Variants in ABCB11 observed in about 807,000 individuals in gnomAD.
ABCB11 encodes ATP binding cassette subfamily B member 11, also known as bile salt export pump.
In ABCB11, 95 loss-of-function variants were observed where a neutral mutation model predicts 148.0. That is an observed-to-expected ratio of 0.64 (90% confidence interval 0.54 to 0.76). The LOEUF is 0.76. Among genes scored for constraint, ABCB11 ranks in the 30% least tolerant of loss-of-function variants. The pLI, the probability that ABCB11 is intolerant of heterozygous loss-of-function variation, is 0.00. For synonymous variants in ABCB11, 591 were observed against 555.4 expected, an observed-to-expected ratio of 1.06 and a Z score of -0.90; for missense variants, 1,523 against 1,617.8, an observed-to-expected ratio of 0.94 and a Z score of 1.01.
intron 5 of ABCB11, among the ~76,000 whole-genome samples, chr2:169,009,697 G>C (rs1695124618): frequency 6.6e-6 from 1 of 151,814 alleles, no homozygotes; most frequent in African/African-American, 2.4e-5. Context: ...CCTGCACATT[G>C]TGCACATGTA....
intron 1 of ABCB11, among the ~76,000 whole-genome samples, chr2:169,020,441 T>A (rs1695501819): frequency 1.3e-5 from 2 of 151,326 alleles, no homozygotes; most frequent in South Asian, 4.2e-4. Context: ...ATGTCATCAA[T>A]CCAACAAAAG....
chr2:169,002,491 C>G (rs1007764406), intron 5 of ABCB11, among the ~76,000 whole-genome samples: 10 of 152,282 alleles, frequency 6.6e-5, no homozygotes, highest in African/African-American at 2.4e-4. Flanking sequence ...AAAAAGATAT[C>G]TACGCTCCCA....
At chr2:169,015,816 T>C (rs1695339254) in intron 3 of ABCB11, among the ~76,000 whole-genome samples, 1 of 152,202 alleles carries the variant, frequency 6.6e-6, no homozygotes, top group African/African-American at 2.4e-5. Flanking sequence ...TGTAAACTCC[T>C]CAAGGGCCAA....
intron 7 of ABCB11, among the ~76,000 whole-genome samples, chr2:168,994,795 AG>A (rs1221283869): frequency 1.3e-5 from 2 of 152,080 alleles, no homozygotes; most frequent in African/African-American, 4.8e-5. Context: ...ACAGCAAGAA[AG>A]AACCTAAGAC....
At chr2:168,970,008 A>C in intron 15 of ABCB11, 37 bp downstream of exon 15, 7 of 1,573,754 alleles carry the variant, frequency 4.4e-6, no homozygotes, top group Non-Finnish European at 6.1e-6. Flanking sequence ...AAGCATTTCC[A>C]CATGGACCTG....
chr2:168,973,585 A>C (rs1201854924), intron 13 of ABCB11, 130 bp downstream of exon 13: 1 of 1,184,658 alleles, frequency 8.4e-7, no homozygotes, highest in African/African-American at 1.5e-5. Flanking sequence ...TCAATTCAGT[A>C]ACAAATCATT....
intron 21 of ABCB11, among the ~76,000 whole-genome samples, chr2:168,939,692 GA>G (rs1430686570): frequency 4.0e-5 from 6 of 151,872 alleles, no homozygotes; most frequent in Admixed American, 2.0e-4. Flanking sequence ...AAAAAGAAAA[GA>G]AAAGACAAAA....
intron 9 of ABCB11, among the ~76,000 whole-genome samples, chr2:168,990,561 A>C (rs1694480436): frequency 6.6e-6 from 1 of 152,128 alleles, no homozygotes; most frequent in Non-Finnish European, 1.5e-5. Context: ...ATCTACCCTG[A>C]GCTGGCTTTC....
chr2:168,929,303 T>C (rs530792068), intron 25 of ABCB11, among the ~76,000 whole-genome samples: 70 of 152,250 alleles, frequency 4.6e-4, no homozygotes, highest in African/African-American at 1.6e-3. Flanking sequence ...GGATGATGAC[T>C]GTTCAACAGG....
intron 21 of ABCB11, among the ~76,000 whole-genome samples, chr2:168,943,885 T>C (rs1412258522): frequency 6.6e-6 from 1 of 152,056 alleles, no homozygotes; most frequent in African/African-American, 2.4e-5. Context: ...AAGAATTTAT[T>C]AACATATTAT....
At chr2:168,961,955 G>A (rs1693098605) in intron 18 of ABCB11, among the ~76,000 whole-genome samples, 1 of 151,724 alleles carries the variant, frequency 6.6e-6, no homozygotes, top group South Asian at 2.1e-4. Context: ...GCTTGGGCTT[G>A]TGGAATTTAG....
chr2:168,952,071 G>A (rs1692593059), intron 19 of ABCB11, among the ~76,000 whole-genome samples: 4 of 151,490 alleles, frequency 2.6e-5, no homozygotes. Flanking sequence ...ATCCTTGCAT[G>A]CCTTGTATAA....
intron 21 of ABCB11, among the ~76,000 whole-genome samples, chr2:168,938,017 T>C (rs1691904868): frequency 6.6e-6 from 1 of 152,064 alleles, no homozygotes; most frequent in South Asian, 2.1e-4. Context: ...TTTAAAATTG[T>C]AGAAACACAT....
chr2:169,012,095 G>A (rs1444360107), intron 5 of ABCB11, among the ~76,000 whole-genome samples: 3 of 152,204 alleles, frequency 2.0e-5, no homozygotes, highest in Non-Finnish European at 2.9e-5. Flanking sequence ...TTATGGAAGA[G>A]TGTCAATGAT....
chr2:168,938,040 C>CA (rs148294136), intron 21 of ABCB11, among the ~76,000 whole-genome samples: 5,922 of 152,056 alleles, frequency 0.039, 379 homozygotes, highest in African/African-American at 0.13. Flanking sequence ...TTATTTAAGA[C>CA]AAAAAAATGT....
At chr2:169,010,072 T>C (rs1695136021) in intron 5 of ABCB11, among the ~76,000 whole-genome samples, 1 of 152,120 alleles carries the variant, frequency 6.6e-6, no homozygotes, top group Non-Finnish European at 1.5e-5. Flanking sequence ...AAAAAGCCCC[T>C]AAAATTCTCA....
Position 168,941,798 on chromosome 2 carries a change from C to A in ABCB11, c.2610+2807G>T, listed in dbSNP as rs192190298. 1.7e-4 allele frequency among the ~76,000 whole-genome samples: 26 copies of A among 152,148 alleles called. No homozygotes were observed. The East Asian group carries it at 1.9e-3, about 11-fold the overall frequency. ...ATATTGCCAGTCTAACCTTCAGCAA[C>A]CACCACCGTGGTCAGTCAGTTGCTA... On this transcript the variant is annotated intron_variant, in intron 21 of 27. Transcript: ENST00000650372.
chr2:168,988,754 C>T (rs761389139), intron 9 of ABCB11, among the ~76,000 whole-genome samples: 1 of 152,056 alleles, frequency 6.6e-6, no homozygotes, highest in Non-Finnish European at 1.5e-5. Flanking sequence ...GTTTCATTTT[C>T]CCCATATGCT....
At chr2:168,959,966 T>C (rs549308386) in intron 18 of ABCB11, among the ~76,000 whole-genome samples, 9 of 137,434 alleles carry the variant, frequency 6.5e-5, no homozygotes, top group Non-Finnish European at 1.4e-4. Flanking sequence ...AAAACCCGAA[T>C]ATGAACACTG....
Sources: gnomAD v4.1 joint callset for allele counts (sites outside exome capture counted in the v4.1 genomes callset) on GRCh38, gnomAD v4.1.1 for gene constraint, MANE v1.5 for transcripts, NCBI Gene and HGNC (gene_info 2026-07-23, HGNC 2026-07-21) for gene names.